The following SLC25A13 variants were observed in gnomAD, a reference collection of about 807,000 sequenced individuals.
The protein encoded by SLC25A13 is electrogenic aspartate/glutamate antiporter SLC25A13, mitochondrial.
Under a neutral mutation model 85.5 loss-of-function variants are expected in SLC25A13, and 70 were observed. The observed-to-expected ratio is 0.82, with a 90% CI of 0.68 to 1.00. SLC25A13 has a LOEUF of 1.00. SLC25A13 is among the 50% of genes least tolerant of loss of function. SLC25A13 has a pLI of 0.00. For synonymous variants in SLC25A13, 259 were observed against 288.7 expected (o/e 0.90, Z 1.04); for missense variants, 765 against 819.8 (o/e 0.93, Z 0.82).
At chr7:96,163,312 C>G (rs74646736) in intron 13 of SLC25A13, among the ~76,000 whole-genome samples, 1,761 of 152,284 alleles carry the variant, frequency 0.012, 16 homozygotes, top group Non-Finnish European at 0.019. Flanking sequence ...CCAAGCTACA[C>G]AGAGAAGTCA....
chr7:96,320,542 A>G (rs1800301256), intron 1 of SLC25A13, among the ~76,000 whole-genome samples: 1 of 152,216 alleles, frequency 6.6e-6, no homozygotes, highest in Non-Finnish European at 1.5e-5. Flanking sequence ...GTCAAGGGCT[A>G]TTGGGCTTGA....
At chr7:96,148,869 T>C (rs1792909806) in intron 13 of SLC25A13, among the ~76,000 whole-genome samples, 1 of 152,184 alleles carries the variant, frequency 6.6e-6, no homozygotes, top group South Asian at 2.1e-4. Context: ...TGTCAAACCA[T>C]CTCACTTACT....
At position 96,131,869 on chromosome 7, in the gene SLC25A13, A is replaced by G. The variant is rs766485284; in HGVS notation, c.1465T>C (p.Cys489Arg). The G allele has an allele frequency of 4.3e-6, 7 of 1,614,006 alleles. No homozygotes were observed. The highest frequency in any genetic ancestry group is 5.9e-6 in the Non-Finnish European group (7 of 1,179,940). ...FFGIYKGAKA[C>R]FLRDIPFSAI... is the part of the protein sequence containing the mutation. ...GAGAAAGGAATGTCCCGCAGAAAGC[A>G]TGCTTTGGCACCCTGCACATTTGCA... The change falls in exon 15 of 18, where the codon TGC (cysteine) becomes CGC (arginine). Residue 489 changes from cysteine (C) to arginine (R), a missense_variant. Cys to Arg is a radical substitution (Grantham distance 180, BLOSUM62 -3). Transcript: ENST00000265631.
At chr7:96,231,498 G>A (rs1158979293) in intron 4 of SLC25A13, among the ~76,000 whole-genome samples, 2 of 152,168 alleles carry the variant, frequency 1.3e-5, no homozygotes, top group African/African-American at 4.8e-5. Flanking sequence ...GCTGAGGCGG[G>A]TGAATCACCT....
chr7:96,243,127 G>A (rs759577278), intron 3 of SLC25A13, among the ~76,000 whole-genome samples: 56 of 152,178 alleles, frequency 3.7e-4, no homozygotes, highest in Non-Finnish European at 7.1e-4. Context: ...CACCATCCCC[G>A]GCTAATTTTT....
intron 5 of SLC25A13, among the ~76,000 whole-genome samples, chr7:96,202,021 CTAAA>C (rs1795276117): frequency 6.6e-6 from 1 of 152,164 alleles, no homozygotes; most frequent in Admixed American, 6.5e-5. Context: ...GGCTCAGGAT[CTAAA>C]TAACCAAAAT....
chr7:96,223,302 G>C (rs1057137055), intron 4 of SLC25A13, among the ~76,000 whole-genome samples: 1 of 152,136 alleles, frequency 6.6e-6, no homozygotes, highest in Non-Finnish European at 1.5e-5. Context: ...AAAATTGCAC[G>C]TAAAACATAT....
intron 5 of SLC25A13, among the ~76,000 whole-genome samples, chr7:96,198,109 T>C (rs1795129788): frequency 6.6e-6 from 1 of 152,168 alleles, no homozygotes; most frequent in African/African-American, 2.4e-5. Context: ...CCATACATTA[T>C]GATGACAATA....
chr7:96,191,265 CAA>C lies in SLC25A13; in HGVS notation c.616-20_616-19del, dbSNP rs1329882607. 2 of 1,612,842 alleles carry C rather than the reference CAA, an allele frequency of 1.2e-6. No homozygotes were observed. The highest frequency in any genetic ancestry group is 2.2e-5 in the South Asian group (2 of 91,016). On this transcript the variant is annotated intron_variant, in intron 6 of 17. Coordinates refer to ENST00000265631, the MANE Select transcript of SLC25A13 (RefSeq NM_014251.3). The stretch of plus-strand genomic sequence containing the variant: ...CCAGCAGCCTCAAATAAATTGAAAA[CAA>C]GAGAGAAGAAAAATATACAAAAGAT...
intron 3 of SLC25A13, among the ~76,000 whole-genome samples, chr7:96,273,250 T>C (rs1798313416): frequency 6.6e-6 from 1 of 152,060 alleles, no homozygotes; most frequent in South Asian, 2.1e-4. Context: ...CGAAAAACAA[T>C]ATAATATTTC....
intron 1 of SLC25A13, among the ~76,000 whole-genome samples, chr7:96,312,228 T>C (rs959186382): frequency 6.6e-6 from 1 of 152,186 alleles, no homozygotes; most frequent in East Asian, 1.9e-4. Flanking sequence ...GCAAGTTATG[T>C]AATCTCTCTG....
At chr7:96,178,492 A>G (rs1345171555) in intron 11 of SLC25A13, among the ~76,000 whole-genome samples, 2 of 152,060 alleles carry the variant, frequency 1.3e-5, no homozygotes, top group Non-Finnish European at 2.9e-5. Flanking sequence ...ATTAATCCAG[A>G]AGACACCCCT....
chr7:96,122,608 G>T (rs1039376493), intron 15 of SLC25A13, among the ~76,000 whole-genome samples: 3 of 152,138 alleles, frequency 2.0e-5, no homozygotes, highest in Admixed American at 6.5e-5. Flanking sequence ...ATTGGGAGAA[G>T]GAGACTCCTA....
chr7:96,268,121 A>C (rs933669870), intron 3 of SLC25A13, among the ~76,000 whole-genome samples: 4 of 152,164 alleles, frequency 2.6e-5, no homozygotes, highest in Non-Finnish European at 5.9e-5. Flanking sequence ...TCAGGCACTC[A>C]ACACCTCCAG....
chr7:96,270,092 C>T (rs1798179865), intron 3 of SLC25A13, among the ~76,000 whole-genome samples: 1 of 152,144 alleles, frequency 6.6e-6, no homozygotes, highest in Admixed American at 6.5e-5. Context: ...ATATTGTATA[C>T]TTGAAAATTG....
chr7:96,272,211 C>T (rs1798266551), intron 3 of SLC25A13, among the ~76,000 whole-genome samples: 1 of 152,028 alleles, frequency 6.6e-6, no homozygotes, highest in Non-Finnish European at 1.5e-5. Flanking sequence ...ATTTTTTAAA[C>T]ATTTTTGCTC....
intron 5 of SLC25A13, among the ~76,000 whole-genome samples, chr7:96,205,831 C>A (rs1795437905): frequency 6.6e-6 from 1 of 152,104 alleles, no homozygotes; most frequent in Non-Finnish European, 1.5e-5. Context: ...TGGGTGGGGA[C>A]CTGTCCAGAC....
intron 2 of SLC25A13, chr7:96,283,523 GT>G: frequency 2.6e-6 from 1 of 380,380 alleles, no homozygotes; most frequent in Non-Finnish European, 5.2e-6. Flanking sequence ...CTTTACAAGT[GT>G]TACCATGGCA....
chr7:96,197,861 G>GT (rs1255933874), intron 5 of SLC25A13, among the ~76,000 whole-genome samples: 1 of 152,114 alleles, frequency 6.6e-6, no homozygotes, highest in Admixed American at 6.6e-5. Context: ...AGACTATCAA[G>GT]TAAAAAAAAT....
Sources: gnomAD v4.1 joint callset for allele counts (sites outside exome capture counted in the v4.1 genomes callset) on GRCh38, gnomAD v4.1.1 for gene constraint, MANE v1.5 for transcripts, NCBI Gene and HGNC (gene_info 2026-07-23, HGNC 2026-07-21) for gene names.